Variants in TTN observed in about 807,000 individuals in gnomAD.
TTN encodes titin.
TTN carries 1,525 observed loss-of-function variants against 3,223.0 expected under a neutral mutation model. The observed-to-expected ratio is 0.47, with a 90% CI of 0.45 to 0.49. The LOEUF (loss-of-function observed/expected upper bound fraction) is 0.49, where lower values mean the gene tolerates loss of function less well. TTN is among the 20% of genes least tolerant of loss of function. TTN has a pLI of 0.00. For missense variants in TTN, 40,786 were observed against 43,424.0 expected (o/e 0.94, Z 5.40); for synonymous variants, 14,094 against 15,161.0 (o/e 0.93, Z 5.17).
rs1428374737 is a variant in TTN, at chr2:178,569,558, C to T, written c.76574G>A (p.Gly25525Asp). The change falls in exon 326 of 363, where the codon GGT (glycine) becomes GAT (aspartate). Residue 25525 changes from glycine to aspartate, a missense_variant. Transcript: ENST00000589042. ...AGGAACAAATAACCTTAAGGAGCCACCTGCCCTTATATTTATGATTTTCCT... is the reference window on the plus strand; with the variant it reads ...AGGAACAAATAACCTTAAGGAGCCATCTGCCCTTATATTTATGATTTTCCT... ...ELRKIINIRA[G>D]GSLRLFVPIK... 1 of 1,613,060 alleles carries T rather than the reference C, an allele frequency of 6.2e-7. No individual in the cohort carries two copies. The highest frequency in any genetic ancestry group is 2.2e-5 in the East Asian group (1 of 44,704).
In TTN at chr2:178,528,304, A is replaced by G. The variant is rs1389761673; in HGVS notation, c.107347T>C (p.Cys35783Arg). The G allele has an allele frequency of 6.2e-7, 1 of 1,613,926 alleles. No homozygotes were observed. Reference sequence around the variant, plus strand: ...ACCATTAAGGAAGCTGTAGCTGAACACTGGCCACGGAAATTTTTGGCCTTA... The same window carrying G: ...ACCATTAAGGAAGCTGTAGCTGAACGCTGGCCACGGAAATTTTTGGCCTTA... ...TIKAKNFRGQ[C>R]SATASLMVLP... is the part of the protein sequence containing the mutation. Residue 35783 changes from cysteine to arginine, a missense_variant, in exon 361 of 363, where the codon TGT becomes CGT. Coordinates refer to ENST00000589042, the MANE Select transcript of TTN (RefSeq NM_001267550.2).
chr2:178,644,442 T>C, intron 218 of TTN, 106 bp downstream of exon 218: 1 of 855,434 alleles, frequency 1.2e-6, no homozygotes, highest in East Asian at 3.0e-5. Context: ...GGGACTACTC[T>C]CTGATCATTG....
chr2:178,580,622 G>A lies in TTN; in HGVS notation c.66770-13C>T. The A allele has an allele frequency of 1.3e-6, 2 of 1,588,272 alleles. No individual in the cohort carries two copies. The highest frequency in any genetic ancestry group is 2.7e-5 in the African/African-American group (2 of 73,232). On this transcript the variant is annotated splice_polypyrimidine_tract_variant and intron_variant, in intron 316 of 362. Coordinates refer to ENST00000589042, the MANE Select transcript of TTN (RefSeq NM_001267550.2). The stretch of plus-strand genomic sequence containing the variant: ...CCCTCAGGTGGAACTGTTTAATTTT[G>A]GGTGAAGAAGTTAAATAAAAATTTA...
intron 46 of TTN, chr2:178,753,831 C>T (rs2086243766): frequency 6.6e-6 from 1 of 152,074 alleles, no homozygotes. Context: ...ACTTTATTCC[C>T]TTGTTCTCAG....
At position 178,717,311 on chromosome 2, in the gene TTN, A is replaced by T. The variant is rs772111560; in HGVS notation, c.25423T>A (p.Phe8475Ile). ...VDLALGESGT[F>I]KCHVTGTAPI... ...GCAGTCCCAGTTACATGACATTTAA[A>T]AGTACCACTTTCTCCAAGAGCAAGA... The change falls in exon 88 of 363, where the codon TTT (phenylalanine) becomes ATT (isoleucine). Residue 8475 changes from phenylalanine (F) to isoleucine (I), a missense_variant. By Grantham distance (21) the Phe-to-Ile change is conservative. Coordinates refer to ENST00000589042, the MANE Select transcript of TTN (RefSeq NM_001267550.2). 1.1e-5 allele frequency: 17 copies of T among 1,613,678 alleles called. No homozygotes were observed. The highest frequency in any genetic ancestry group is 1.3e-5 in the Non-Finnish European group (15 of 1,179,650).
At position 178,566,947 on chromosome 2, in the gene TTN, G is replaced by A. The variant is rs770691783; in HGVS notation, c.79185C>T (p.Val26395=). ...VLPGPPKSLE[V]TNIAKDSMTV... ...TCATGGAGTCTTTGGCAATATTTGT[G>A]ACTTCCAAGCTTTTTGGTGGTCCAG... Residue 26395 remains valine (V), a synonymous_variant, in exon 326 of 363, where the codon GTC becomes GTT. Transcript: ENST00000589042. The A allele has an allele frequency of 6.2e-7, 1 of 1,613,534 alleles. No individual in the cohort carries two copies.
At chr2:178,677,570 C>T in intron 146 of TTN, 51 bp downstream of exon 146, 1 of 1,523,050 alleles carries the variant, frequency 6.6e-7, no homozygotes, top group Non-Finnish European at 8.8e-7. Context: ...GATGGGAAAG[C>T]AGAATTCAAC....
intron 63 of TTN, 43 bp downstream of exon 63, chr2:178,729,621 C>T (rs1483365469): frequency 6.2e-7 from 1 of 1,613,208 alleles, no homozygotes; most frequent in African/African-American, 1.3e-5. Flanking sequence ...CCAAACTTAT[C>T]AGGCAGCACA....
In TTN at chr2:178,672,162, G is replaced by A. The variant is rs574102745; in HGVS notation, c.35036C>T (p.Pro11679Leu). 64 of 1,594,294 alleles carry A rather than the reference G, an allele frequency of 4.0e-5. No homozygotes were observed. Among genetic ancestry groups the A allele is most frequent in the South Asian group, 1.0e-4 (9 of 89,686 alleles). Residue 11679 changes from proline to leucine, a missense_variant, in exon 155 of 363, where the codon CCG (proline) becomes CTG (leucine). Physicochemically the swap from Pro to Leu is moderately conservative, Grantham distance 98. Transcript: ENST00000589042. The part of the protein sequence containing the change: ...EVVEAEVEEI[P>L]EEEEFHEVEE... ...AACTTCATGGAACTCTTCTTCTTCC[G>A]GAATTTCTTCCACTTCTGCTTCTAC...
chr2:178,785,071 C>T (rs934712809), intron 15 of TTN, among the ~76,000 whole-genome samples: 2 of 152,146 alleles, frequency 1.3e-5, no homozygotes, highest in Non-Finnish European at 2.9e-5. Context: ...TGCTTACTTT[C>T]TCCTGATGAC....
In TTN at chr2:178,581,893, C is replaced by A. The variant is rs749690571; in HGVS notation, c.66463+13G>T. 1.7e-5 allele frequency: 27 copies of A among 1,612,018 alleles called. 1 individual carries two copies. Among genetic ancestry groups the A allele is most frequent in the Middle Eastern group, 3.3e-4 (2 of 6,042 alleles). ...TTTAACACAGGATATGGAACTCGTT[C>A]ATGAACACTTACACTGAGGGTCCCG... On this transcript the variant is annotated intron_variant, in intron 315 of 362. Transcript: ENST00000589042.
chr2:178,670,986 A>C (rs2066862680), intron 156 of TTN, 104 bp downstream of exon 156: 1 of 822,862 alleles, frequency 1.2e-6, no homozygotes, highest in Admixed American at 3.3e-5. Flanking sequence ...AGAAACAAGA[A>C]ATACAGAAGA....
intron 257 of TTN, among the ~76,000 whole-genome samples, 182 bp downstream of exon 257, chr2:178,616,297 A>G (rs1019860306): frequency 4.0e-5 from 6 of 151,848 alleles, no homozygotes; most frequent in African/African-American, 1.4e-4. Context: ...CAATTATACA[A>G]TCCTTGGTTG....
At chr2:178,675,574 C>G in intron 149 of TTN, 97 bp downstream of exon 149, 2 of 943,512 alleles carry the variant, frequency 2.1e-6, no homozygotes, top group Non-Finnish European at 2.8e-6. Flanking sequence ...GAATGACAGA[C>G]CATACAATGC....
chr2:178,586,455 A>T (rs753868142), intron 308 of TTN, 50 bp downstream of exon 308: 1 of 1,588,634 alleles, frequency 6.3e-7, no homozygotes, highest in South Asian at 1.2e-5. Context: ...ATAAAAGAAG[A>T]AATTCTAATA....
At chr2:178,751,060 C>T in intron 47 of TTN, 1 of 1,612,588 alleles carries the variant, frequency 6.2e-7, no homozygotes, top group Non-Finnish European at 8.5e-7. Context: ...TATTTTGATC[C>T]ATTTGATTAG....
chr2:178,588,864 G>T lies in TTN; in HGVS notation c.62861C>A (p.Pro20954Gln). 1 of 1,613,294 alleles carries T rather than the reference G, an allele frequency of 6.2e-7. No homozygotes were observed. Among genetic ancestry groups the T allele is most frequent in the Non-Finnish European group, 8.5e-7 (1 of 1,179,602 alleles). ...IGTGPPTESKPVIAKTKYDKP... is the reference protein window; with the variant it reads ...IGTGPPTESKQVIAKTKYDKP... ...ATCATACTTGGTTTTGGCTATGACTGGTTTACTTTCTGTTGGAGGCCCTGT... is the reference window on the plus strand; with the variant it reads ...ATCATACTTGGTTTTGGCTATGACTTGTTTACTTTCTGTTGGAGGCCCTGT... The change falls in exon 304 of 363, where the codon CCA (proline) becomes CAA (glutamine). Residue 20954 changes from proline (P) to glutamine (Q), a missense_variant. Pro to Gln is a moderately conservative substitution (Grantham distance 76, BLOSUM62 -1). Transcript: ENST00000589042.
At position 178,741,866 on chromosome 2, in the gene TTN, A is replaced by T; in HGVS notation, c.11367T>A (p.Leu3789=). 1 of 1,586,882 alleles carries T rather than the reference A, an allele frequency of 6.3e-7. No individual in the cohort carries two copies. Among genetic ancestry groups the T allele is most frequent in the Non-Finnish European group, 8.6e-7 (1 of 1,165,732 alleles). ...AEEEGLHSAE[L]QLSKINETLE... ...GTGTTTCATTTATTTTAGATAATTG[A>T]AGTTCGGCGCTATGAAGTCCTTCTT... Residue 3789 remains leucine, a synonymous_variant, in exon 48 of 363, where the codon CTT becomes CTA. Coordinates refer to ENST00000589042, the MANE Select transcript of TTN (RefSeq NM_001267550.2).
rs191066933 is a variant in TTN, at chr2:178,593,339, T to C, written c.58869A>G (p.Lys19623=). ...YILEKRETMS[K]RWARVTKDPI... ...GATCTTTGGTAACTCTAGCCCATCG[T>C]TTAGACATAGTTTCTCTCTTTTCCA... The change falls in exon 299 of 363, where the codon AAA becomes AAG. Residue 19623 remains lysine (K), a synonymous_variant. Transcript: ENST00000589042. 335 of 1,613,378 alleles carry C rather than the reference T, an allele frequency of 2.1e-4. 1 individual carries two copies. The African/African-American group carries it at 3.9e-3, about 19-fold the overall frequency.
Sources: gnomAD v4.1 joint callset for allele counts (sites outside exome capture counted in the v4.1 genomes callset) on GRCh38, gnomAD v4.1.1 for gene constraint, MANE v1.5 for transcripts, NCBI Gene and HGNC (gene_info 2026-07-23, HGNC 2026-07-21) for gene names.